The following HCK variants were observed in gnomAD, a reference collection of about 807,000 sequenced individuals.
HCK encodes the protein tyrosine-protein kinase HCK.
Under a neutral mutation model 70.4 loss-of-function variants are expected in HCK, and 40 were observed. The ratio of observed to expected loss-of-function variants is 0.57; its 90% confidence interval spans 0.44 to 0.74. The LOEUF (loss-of-function observed/expected upper bound fraction) is 0.74, where lower values mean the gene tolerates loss of function less well. Ranked by LOEUF, HCK falls within the 30% of genes least tolerant of loss-of-function variation. The pLI is 0.00. For missense variants in HCK, 568 were observed against 697.2 expected (o/e 0.81, Z 2.09); for synonymous variants, 245 against 263.2 (o/e 0.93, Z 0.67).
intron 9 of HCK, 72 bp downstream of exon 9, chr20:32,086,879 G>C (rs1911215912): frequency 1.4e-6 from 2 of 1,404,660 alleles, no homozygotes; most frequent in East Asian, 5.2e-5. Flanking sequence ...GGGTGGCTTG[G>C]ACATGGTTCT....
intron 1 of HCK, among the ~76,000 whole-genome samples, chr20:32,071,139 TTCTGTAGTGTTTGC>T (rs1232576793): frequency 6.6e-6 from 1 of 152,206 alleles, no homozygotes; most frequent in Non-Finnish European, 1.5e-5. Flanking sequence ...ACTGCAGTTT[TTCTGTAGTGTTTGC>T]TCTGAGCCTG....
At chr20:32,099,607 C>T (rs1367556551) in intron 12 of HCK, among the ~76,000 whole-genome samples, 1 of 152,084 alleles carries the variant, frequency 6.6e-6, no homozygotes, top group African/African-American at 2.4e-5. Flanking sequence ...ATGCGCCTGC[C>T]TCGGCCTCCC....
rs2045682096 is a variant in HCK at position 32,079,784 on chromosome 20, A to C, written c.439A>C (p.Lys147Gln). The change falls in exon 6 of 13, where the codon AAG becomes CAG. Residue 147 changes from lysine (K) to glutamine (Q), a missense_variant. By Grantham distance (53) the Lys-to-Gln change is moderately conservative. This residue lies in a region of HCK where 318 missense variants were observed against 336.0 expected (regional missense o/e 0.95). Coordinates refer to ENST00000375852, the MANE Select transcript of HCK (RefSeq NM_002110.5). ...TCCCTTTTCCATCAGGTGGTTTTTCAAGGGCATCAGCCGGAAGGACGCAGA... is the reference window on the plus strand; with the variant it reads ...TCCCTTTTCCATCAGGTGGTTTTTCCAGGGCATCAGCCGGAAGGACGCAGA... 6.2e-7 allele frequency: 1 copy of C among 1,613,504 alleles called. No individual in the cohort carries two copies. The highest frequency in any genetic ancestry group is 8.5e-7 in the Non-Finnish European group (1 of 1,179,520).
intron 1 of HCK, among the ~76,000 whole-genome samples, chr20:32,057,175 T>C (rs778424995): frequency 6.6e-6 from 1 of 152,224 alleles, no homozygotes; most frequent in Non-Finnish European, 1.5e-5. Context: ...GGGCTACACC[T>C]GGGCTGTCCA....
In HCK at chr20:32,101,304, G is replaced by T. The variant is rs771940422; in HGVS notation, c.1379-13G>T. 2 of 1,612,556 alleles carry T rather than the reference G, an allele frequency of 1.2e-6. No homozygotes were observed. Among genetic ancestry groups the T allele is most frequent in the South Asian group, 2.2e-5 (2 of 90,770 alleles). ...CAACTGCTTCCGTTTCTAATTCCAC[G>T]GCTCCTTTTCAGGGATGTCAAACCC... is the stretch of plus-strand genomic sequence containing the variant. On this transcript the variant is annotated splice_polypyrimidine_tract_variant and intron_variant, in intron 12 of 12. Transcript: ENST00000375852.
At chr20:32,094,164 A>G in intron 11 of HCK, 148 bp downstream of exon 11, 1 of 713,578 alleles carries the variant, frequency 1.4e-6, no homozygotes, top group East Asian at 2.7e-5. Context: ...CCTTCTGGAT[A>G]ATGTCCTGAA....
intron 10 of HCK, among the ~76,000 whole-genome samples, chr20:32,093,070 G>A (rs771451299): frequency 1.3e-5 from 2 of 152,020 alleles, no homozygotes; most frequent in Non-Finnish European, 2.9e-5. Context: ...TCAACCTCCT[G>A]AGCAGATGGG....
Position 32,094,786 on chromosome 20 carries a change from A to G in HCK, c.1246+770A>G, listed in dbSNP as rs2045923262. Among the ~76,000 whole-genome samples, 3 of 77,732 alleles carry G rather than the reference A, an allele frequency of 3.9e-5. No homozygotes were observed. In the South Asian group the frequency reaches 1.4e-3, roughly 37 times the overall value. 51.0% of individuals were successfully genotyped at this position (77,732 alleles called of 152,430 possible). ...GAAGGAAAGAAAGAAAGAGAGAGAAAGAGAAAGAAAGAAAGAAAGAAAGAA... is the reference window on the plus strand; with the variant it reads ...GAAGGAAAGAAAGAAAGAGAGAGAAGGAGAAAGAAAGAAAGAAAGAAAGAA... On this transcript the variant is annotated intron_variant, in intron 11 of 12. Coordinates refer to ENST00000375852, the MANE Select transcript of HCK (RefSeq NM_002110.5).
chr20:32,056,522 A>AG (rs2045275002), intron 1 of HCK, among the ~76,000 whole-genome samples: 1 of 151,900 alleles, frequency 6.6e-6, no homozygotes, highest in African/African-American at 2.4e-5. Context: ...TCTCAGAAAA[A>AG]AAAAAAACAG....
intron 7 of HCK, 112 bp downstream of exon 7, chr20:32,084,155 AC>A: frequency 8.1e-7 from 1 of 1,233,460 alleles, no homozygotes. Flanking sequence ...CATCCCCTAG[AC>A]AGATAGTTGC....
At position 32,084,102 on chromosome 20, in the gene HCK, C is replaced by A. The variant is rs896335349; in HGVS notation, c.682+59C>A. ...CGATGGGCCCACAGACTCCTAGTCA[C>A]GGATGCACTGTGGCCCCTGAGACCT... On this transcript the variant is annotated intron_variant, in intron 7 of 12. Coordinates refer to ENST00000375852, the MANE Select transcript of HCK (RefSeq NM_002110.5). 67 of 1,564,240 alleles carry A rather than the reference C, an allele frequency of 4.3e-5. 1 individual carries two copies. The South Asian group carries it at 6.7e-4, about 16-fold the overall frequency.
intron 8 of HCK, among the ~76,000 whole-genome samples, chr20:32,085,602 C>T (rs574196255): frequency 6.6e-6 from 1 of 152,130 alleles, no homozygotes; most frequent in South Asian, 2.1e-4. Context: ...GATTTGAAAG[C>T]CAAAAATATC....
chr20:32,085,251 G>A (rs1470172324), intron 8 of HCK, among the ~76,000 whole-genome samples: 2 of 152,218 alleles, frequency 1.3e-5, no homozygotes, highest in African/African-American at 4.8e-5. Flanking sequence ...AGTGGCTCAC[G>A]CCTGTAATCC....
intron 1 of HCK, among the ~76,000 whole-genome samples, chr20:32,066,885 G>A (rs544226995): frequency 1.3e-5 from 2 of 152,248 alleles, no homozygotes; most frequent in African/African-American, 4.8e-5. Flanking sequence ...AGTGCTCTGT[G>A]TATGGTTTAA....
At chr20:32,087,603 A>G (rs1291941228) in intron 9 of HCK, among the ~76,000 whole-genome samples, 1 of 151,822 alleles carries the variant, frequency 6.6e-6, no homozygotes, top group Non-Finnish European at 1.5e-5. Flanking sequence ...AGTAGCTGGC[A>G]CTACAGGCAT....
intron 1 of HCK, among the ~76,000 whole-genome samples, chr20:32,061,548 G>C (rs371206615): frequency 1.5e-4 from 23 of 152,228 alleles, no homozygotes; most frequent in African/African-American, 5.3e-4. Context: ...GGGGCATGAA[G>C]ACTAGCTGGG....
rs369025763 is a variant in HCK, at chr20:32,084,419, G to T, written c.711G>T (p.Leu237=). ...GGAACGACGGGCTCTGCCAGAAACT[G>T]TCGGTGCCCTGCATGTCTTCCAAGC... Residue 237 remains leucine (L), a synonymous_variant, in exon 8 of 13, where the codon CTG becomes CTT. Transcript: ENST00000375852. The T allele has an allele frequency of 1.2e-5, 20 of 1,614,072 alleles. No individual in the cohort carries two copies. The highest frequency in any genetic ancestry group is 1.6e-4 in the Middle Eastern group (1 of 6,062).
chr20:32,097,862 TTAAAC>T (rs1414540800), intron 11 of HCK, among the ~76,000 whole-genome samples: 52 of 151,958 alleles, frequency 3.4e-4, no homozygotes, highest in Admixed American at 3.3e-3. Flanking sequence ...CATGATATAA[TTAAAC>T]TAAACACTTT....
intron 10 of HCK, among the ~76,000 whole-genome samples, chr20:32,091,636 C>G (rs958138952): frequency 5.3e-5 from 8 of 151,996 alleles, no homozygotes; most frequent in African/African-American, 1.7e-4. Flanking sequence ...GTCCCCACCC[C>G]CCACTATTCT....
Sources: allele counts gnomAD v4.1 joint callset (sites outside exome capture counted in the v4.1 genomes callset), GRCh38; gene constraint gnomAD v4.1.1; regional missense constraint gnomAD v4.1.1; transcripts MANE v1.5; gene names NCBI Gene and HGNC (gene_info 2026-07-23, HGNC 2026-07-21).